The following PARD3 variants were observed in gnomAD, a reference collection of about 807,000 sequenced individuals.
PARD3 encodes partitioning defective 3 homolog.
Under a neutral mutation model 155.4 loss-of-function variants are expected in PARD3, and 75 were observed. That is an observed-to-expected ratio of 0.48 (90% CI 0.40 to 0.58). The LOEUF is 0.58. PARD3 is among the 20% of genes least tolerant of loss of function. PARD3 has a pLI of 0.00. For synonymous variants in PARD3, 576 were observed against 610.5 expected (o/e 0.94, Z 0.83); for missense variants, 1,642 against 1,721.7 (o/e 0.95, Z 0.82).
At chr10:34,665,333 G>A (rs1483715939) in intron 2 of PARD3, among the ~76,000 whole-genome samples, 1 of 149,518 alleles carries the variant, frequency 6.7e-6, no homozygotes, top group Non-Finnish European at 1.5e-5. Context: ...CCAACATGGA[G>A]AAGCCCTGTA....
intron 22 of PARD3, among the ~76,000 whole-genome samples, chr10:34,162,032 T>C (rs369534516): frequency 3.9e-5 from 6 of 152,188 alleles, no homozygotes; most frequent in Admixed American, 3.9e-4. Context: ...ATGCATGACA[T>C]ATATGTACAT....
intron 5 of PARD3, among the ~76,000 whole-genome samples, chr10:34,441,129 G>A (rs1323032137): frequency 3.9e-5 from 6 of 152,098 alleles, no homozygotes; most frequent in African/African-American, 1.4e-4. Context: ...ATACACCAGG[G>A]ATGAAAATAA....
intron 2 of PARD3, among the ~76,000 whole-genome samples, chr10:34,517,826 G>A (rs2081884243): frequency 6.6e-6 from 1 of 152,120 alleles, no homozygotes; most frequent in African/African-American, 2.4e-5. Flanking sequence ...GAATAAACTG[G>A]TGCTCAGAAT....
chr10:34,344,922 T>C (rs1837244721), intron 15 of PARD3: 2 of 985,234 alleles, frequency 2.0e-6, no homozygotes, highest in Non-Finnish European at 1.2e-6. Flanking sequence ...GCTCCATAAC[T>C]CCCCGACATA....
chr10:34,327,844 GA>G (rs1463918002), intron 19 of PARD3, among the ~76,000 whole-genome samples: 1 of 152,176 alleles, frequency 6.6e-6, no homozygotes, highest in African/African-American at 2.4e-5. Flanking sequence ...GGACAAGAAA[GA>G]ACCCACTTCC....
chr10:34,708,262 T>C (rs1439718631), intron 1 of PARD3, among the ~76,000 whole-genome samples: 1 of 132,622 alleles, frequency 7.5e-6, no homozygotes, highest in African/African-American at 2.5e-5. Context: ...CACTGATCTT[T>C]AAAGGAAAAA....
intron 9 of PARD3, among the ~76,000 whole-genome samples, chr10:34,378,951 C>T (rs896221701): frequency 1.4e-4 from 22 of 152,078 alleles, no homozygotes; most frequent in Non-Finnish European, 2.8e-4. Context: ...AGAATCAAGA[C>T]GCAAGAAGCC....
At chr10:34,480,820 T>TA (rs2079036771) in intron 3 of PARD3, among the ~76,000 whole-genome samples, 1 of 149,650 alleles carries the variant, frequency 6.7e-6, no homozygotes, top group African/African-American at 2.5e-5. Flanking sequence ...TTTTCTTTTT[T>TA]GAGACGGAGT....
chr10:34,131,432 C>A, intron 23 of PARD3, 31 bp downstream of exon 23: 1 of 1,613,088 alleles, frequency 6.2e-7, no homozygotes, highest in Non-Finnish European at 8.5e-7. Context: ...GTTGTAGGAC[C>A]ATTCACCGTG....
Position 34,578,050 on chromosome 10 carries a change from C to CTT in PARD3, c.223-60893_223-60892dup, listed in dbSNP as rs11404097. 3.6e-3 allele frequency among the ~76,000 whole-genome samples: 525 copies of CTT among 146,348 alleles called. 3 individuals carry two copies. The highest frequency in any genetic ancestry group is 0.011 in the African/African-American group (440 of 39,876). On this transcript the variant is annotated intron_variant, in intron 2 of 24. Coordinates refer to ENST00000374788, the MANE Select transcript of PARD3 (RefSeq NM_001184785.2). ...CTATGTTTTTTTGTTTTCTGTTGCT[C>CTT]TTTTTTTTTTTCTTTTTTCCTTTGT...
intron 21 of PARD3, among the ~76,000 whole-genome samples, chr10:34,272,835 T>C (rs1483718366): frequency 6.6e-6 from 1 of 152,178 alleles, no homozygotes; most frequent in Non-Finnish European, 1.5e-5. Flanking sequence ...GATGTTTCAC[T>C]GAAGAGGACA....
At chr10:34,651,892 T>G (rs1258527926) in intron 2 of PARD3, among the ~76,000 whole-genome samples, 1 of 152,120 alleles carries the variant, frequency 6.6e-6, no homozygotes, top group Non-Finnish European at 1.5e-5. Flanking sequence ...CCTGGCAAAT[T>G]TTATACTTCA....
At chr10:34,725,765 T>C (rs1043634195) in intron 1 of PARD3, among the ~76,000 whole-genome samples, 4 of 152,208 alleles carry the variant, frequency 2.6e-5, no homozygotes, top group African/African-American at 9.7e-5. Context: ...GATGACACAA[T>C]GTCCAGCCAG....
intron 1 of PARD3, among the ~76,000 whole-genome samples, chr10:34,790,551 T>C (rs984130240): frequency 3.9e-5 from 6 of 152,112 alleles, no homozygotes; most frequent in African/African-American, 1.4e-4. Flanking sequence ...ATCCATGCAA[T>C]GCAGAGGCTG....
Position 34,336,222 on chromosome 10 carries a change from T to C in PARD3, c.2582A>G (p.Asn861Ser), listed in dbSNP as rs1324563741. ...DLGIADETKL[N>S]TVDDQKAGSP... is the part of the protein sequence containing the mutation. ...ACCTGCTTTCTGGTCATCCACTGTA[T>C]TGAGTTTAGTCTCGTCAGCTACTGT... Residue 861 changes from asparagine to serine, a missense_variant, in exon 18 of 25, where the codon AAT becomes AGT. This residue lies in a region of PARD3 where 1,529 missense variants were observed against 1,587.3 expected (regional missense o/e 0.96). Transcript: ENST00000374788. 5 of 1,612,580 alleles carry C rather than the reference T, an allele frequency of 3.1e-6. No individual in the cohort carries two copies. The highest frequency in any genetic ancestry group is 1.3e-5 in the African/African-American group (1 of 74,896).
intron 22 of PARD3, among the ~76,000 whole-genome samples, chr10:34,178,981 C>T (rs774224550): frequency 6.6e-6 from 1 of 152,120 alleles, no homozygotes; most frequent in Non-Finnish European, 1.5e-5. Context: ...GCAAGTTCAC[C>T]CAGACCACCA....
chr10:34,715,934 A>G (rs2094513841), intron 1 of PARD3, among the ~76,000 whole-genome samples: 1 of 152,194 alleles, frequency 6.6e-6, no homozygotes, highest in South Asian at 2.1e-4. Flanking sequence ...TTGCTAACCT[A>G]TTTTGTTTGA....
At chr10:34,204,951 G>A (rs954019510) in intron 22 of PARD3, among the ~76,000 whole-genome samples, 8 of 152,152 alleles carry the variant, frequency 5.3e-5, no homozygotes, top group Admixed American at 5.2e-4. Context: ...GACTCCAGGG[G>A]AAGGTAGTTT....
At chr10:34,224,846 T>G (rs1449630020) in intron 22 of PARD3, among the ~76,000 whole-genome samples, 1 of 152,202 alleles carries the variant, frequency 6.6e-6, no homozygotes, top group East Asian at 1.9e-4. Flanking sequence ...TTCCATCAAA[T>G]CAGTGTCCCT....
Sources: allele counts gnomAD v4.1 joint callset (sites outside exome capture counted in the v4.1 genomes callset), GRCh38; gene constraint gnomAD v4.1.1; regional missense constraint gnomAD v4.1.1; transcripts MANE v1.5; gene names NCBI Gene and HGNC (gene_info 2026-07-23, HGNC 2026-07-21).